LRRC72: variants seen among roughly 807,000 people sequenced by gnomAD.
The protein encoded by LRRC72 is leucine-rich repeat-containing protein 72.
In LRRC72, 41 loss-of-function variants were observed where a neutral mutation model predicts 35.8. That is an observed-to-expected ratio of 1.15 (90% CI 0.89 to 1.49). The LOEUF is 1.49. Ranked by LOEUF, LRRC72 falls within the 40% of genes most tolerant of loss-of-function variation. LRRC72 has a pLI of 0.00. For missense variants in LRRC72, 389 were observed against 330.7 expected, an observed-to-expected ratio of 1.18 and a Z score of -1.37; for synonymous variants, 118 against 119.2, an observed-to-expected ratio of 0.99 and a Z score of 0.07.
intron 2 of LRRC72, among the ~76,000 whole-genome samples, chr7:16,536,560 A>C (rs1782262164): frequency 1.3e-5 from 2 of 150,240 alleles, no homozygotes; most frequent in Non-Finnish European, 2.9e-5. Flanking sequence ...ATGTGACAAT[A>C]TGTTAAAAAT....
intron 3 of LRRC72, among the ~76,000 whole-genome samples, chr7:16,539,836 G>C (rs899649252): frequency 2.2e-4 from 33 of 152,206 alleles, no homozygotes; most frequent in African/African-American, 7.7e-4. Context: ...GACAATTGTT[G>C]AGCTTTGGAA....
intron 3 of LRRC72, among the ~76,000 whole-genome samples, chr7:16,555,511 G>C (rs1033873669): frequency 6.6e-6 from 1 of 152,218 alleles, no homozygotes; most frequent in Middle Eastern, 3.4e-3. Flanking sequence ...GGTGGCTCAC[G>C]CCTATAATCC....
At chr7:16,558,736 A>G (rs1022077795) in intron 4 of LRRC72, among the ~76,000 whole-genome samples, 153 bp from the exon 5 acceptor site, 4 of 151,950 alleles carry the variant, frequency 2.6e-5, no homozygotes, top group African/African-American at 9.7e-5. Context: ...ATAATATATT[A>G]TTAATAGTTA....
chr7:16,530,362 G>A (rs1782140614), intron 1 of LRRC72: 1 of 152,164 alleles, frequency 6.6e-6, no homozygotes, highest in Non-Finnish European at 1.5e-5. Flanking sequence ...ACATTCCTCT[G>A]TTTTTCTGTT....
intron 2 of LRRC72, among the ~76,000 whole-genome samples, chr7:16,536,412 A>G (rs1444385041): frequency 1.3e-5 from 2 of 152,144 alleles, no homozygotes. Context: ...TGCACAGGAC[A>G]ATGCCCTGAT....
chr7:16,566,469 C>A, intron 6 of LRRC72, 67 bp downstream of exon 6: 1 of 906,346 alleles, frequency 1.1e-6, no homozygotes, highest in Non-Finnish European at 1.6e-6. Flanking sequence ...GGTTTAAAAA[C>A]GAAGACTACC....
At chr7:16,528,978 C>T (rs1019451176) in intron 1 of LRRC72, among the ~76,000 whole-genome samples, 12 of 152,048 alleles carry the variant, frequency 7.9e-5, no homozygotes, top group African/African-American at 2.2e-4. Context: ...ATGAATTTTA[C>T]CATACAGTTA....
Position 16,572,397 on chromosome 7 carries a change from A to T in LRRC72, c.670+4854A>T, listed in dbSNP as rs193169456. ...ATCCCTGACGAACATCAGTGCAAAA[A>T]TCCTCAATAAAATACTGGCAAACTG... On this transcript the variant is annotated intron_variant, in intron 7 of 8. Transcript: ENST00000401542. 5.2e-3 allele frequency among the ~76,000 whole-genome samples: 787 copies of T among 152,314 alleles called. 8 individuals are homozygous for T. Among genetic ancestry groups the T allele is most frequent in the African/African-American group, 0.018 (730 of 41,562 alleles).
At chr7:16,536,153 A>G (rs1159305534) in intron 2 of LRRC72, among the ~76,000 whole-genome samples, 1 of 152,192 alleles carries the variant, frequency 6.6e-6, no homozygotes, top group African/African-American at 2.4e-5. Context: ...GATTACAGGC[A>G]TGAGCCACCA....
At chr7:16,539,839 C>T (rs1250550573) in intron 3 of LRRC72, among the ~76,000 whole-genome samples, 1 of 152,206 alleles carries the variant, frequency 6.6e-6, no homozygotes, top group East Asian at 1.9e-4. Context: ...AATTGTTGAG[C>T]TTTGGAAACC....
chr7:16,548,427 C>T (rs905160839), intron 3 of LRRC72, among the ~76,000 whole-genome samples: 3 of 152,162 alleles, frequency 2.0e-5, no homozygotes, highest in Non-Finnish European at 2.9e-5. Flanking sequence ...CTTTGGGGAA[C>T]CCAGACCTAG....
At chr7:16,555,760 C>T (rs529164605) in intron 3 of LRRC72, among the ~76,000 whole-genome samples, 1 of 150,470 alleles carries the variant, frequency 6.6e-6, no homozygotes, top group South Asian at 2.1e-4. Flanking sequence ...GCCTGGGTGA[C>T]AGAGACTCCA....
At chr7:16,578,801 G>C (rs987589869) in intron 7 of LRRC72, among the ~76,000 whole-genome samples, 15 of 152,130 alleles carry the variant, frequency 9.9e-5, no homozygotes, top group Admixed American at 9.2e-4. Context: ...GGGAAATCCT[G>C]TCATTTTTTG....
At chr7:16,530,999 C>T (rs1782151323) in intron 1 of LRRC72, among the ~76,000 whole-genome samples, 1 of 151,922 alleles carries the variant, frequency 6.6e-6, no homozygotes, top group South Asian at 2.1e-4. Context: ...GAGTTTGAGA[C>T]CAGCCTGGCC....
intron 1 of LRRC72, 134 bp from the exon 2 acceptor site, chr7:16,532,361 A>T: frequency 1.6e-6 from 1 of 620,924 alleles, no homozygotes. Context: ...CTTGGAATTT[A>T]TCAGTTTAGA....
chr7:16,542,901 A>C lies in LRRC72; in HGVS notation c.234+5205A>C, dbSNP rs190770513. ...TTCCTTTCACATTTCTAAAATCACT[A>C]TCACTTAATTTGTTCTTTATGAAAG... On this transcript the variant is annotated intron_variant, in intron 3 of 8. Transcript: ENST00000401542. Among the ~76,000 whole-genome samples, 385 of 152,322 alleles carry C rather than the reference A, an allele frequency of 2.5e-3. 2 individuals carry two copies. The highest frequency in any genetic ancestry group is 8.9e-3 in the African/African-American group (368 of 41,564).
chr7:16,568,769 GA>G (rs1358862611), intron 7 of LRRC72, among the ~76,000 whole-genome samples: 3 of 152,112 alleles, frequency 2.0e-5, no homozygotes, highest in Non-Finnish European at 4.4e-5. Flanking sequence ...AAAGCAGTCG[GA>G]GAGAAAACCC....
At chr7:16,564,665 A>T (rs374025866) in intron 5 of LRRC72, among the ~76,000 whole-genome samples, 13 of 152,058 alleles carry the variant, frequency 8.5e-5, no homozygotes, top group African/African-American at 2.7e-4. Context: ...GGTGTCTTCC[A>T]TTGCCTGCTT....
At chr7:16,540,312 G>C (rs1342299920) in intron 3 of LRRC72, among the ~76,000 whole-genome samples, 1 of 152,150 alleles carries the variant, frequency 6.6e-6, no homozygotes, top group Non-Finnish European at 1.5e-5. Context: ...CTTTGTTTTG[G>C]CCAATTTCTC....
Sources: gnomAD v4.1 joint callset for allele counts (sites outside exome capture counted in the v4.1 genomes callset) on GRCh38, gnomAD v4.1.1 for gene constraint, MANE v1.5 for transcripts, NCBI Gene and HGNC (gene_info 2026-07-23, HGNC 2026-07-21) for gene names.